SLC35F1: variants seen among roughly 807,000 people sequenced by gnomAD.
The protein encoded by SLC35F1 is solute carrier family 35 member F1.
In SLC35F1, 14 loss-of-function variants were observed where a neutral mutation model predicts 48.7. The ratio of observed to expected loss-of-function variants is 0.29; its 90% CI spans 0.19 to 0.45. SLC35F1 has a LOEUF of 0.45. SLC35F1 is among the 20% of genes least tolerant of loss of function. SLC35F1 has a pLI of 1.00. For synonymous variants in SLC35F1, 190 were observed against 202.2 expected (o/e 0.94, Z 0.51); for missense variants, 404 against 500.0 (o/e 0.81, Z 1.83).
intron 2 of SLC35F1, among the ~76,000 whole-genome samples, chr6:118,201,545 T>A (rs1774873977): frequency 6.6e-6 from 1 of 152,226 alleles, no homozygotes; most frequent in Admixed American, 6.5e-5. Flanking sequence ...GATGAATACA[T>A]GTTGAAAGAT....
chr6:118,081,909 C>A (rs1405244233), intron 1 of SLC35F1, among the ~76,000 whole-genome samples: 2 of 152,180 alleles, frequency 1.3e-5, no homozygotes, highest in Non-Finnish European at 2.9e-5. Flanking sequence ...GTTCTCACAC[C>A]TGAATGGTCA....
At chr6:117,911,833 A>G (rs2114793927) in intron 1 of SLC35F1, among the ~76,000 whole-genome samples, 1 of 152,302 alleles carries the variant, frequency 6.6e-6, no homozygotes, top group Non-Finnish European at 1.5e-5. Context: ...CAAGGGCAAC[A>G]GTTGATGACC....
Position 118,166,145 on chromosome 6 carries a change from A to T in SLC35F1, c.349+11525A>T, listed in dbSNP as rs78341916. Among the ~76,000 whole-genome samples the T allele has an allele frequency of 2.5e-3, 384 of 152,236 alleles. 1 individual carries two copies. Among genetic ancestry groups the T allele is most frequent in the African/African-American group, 8.6e-3 (358 of 41,548 alleles). On this transcript the variant is annotated intron_variant, in intron 2 of 7. Transcript: ENST00000360388. ...AAAATCAGGGTGGGGAGAGGAAAAA[A>T]ATTAAAAATAATGCAAGATTAAAAA...
rs1339739288 is a variant in SLC35F1 at position 117,999,147 on chromosome 6, A to C, written c.173+91248A>C. 4 of 1,593,142 alleles carry C rather than the reference A, an allele frequency of 2.5e-6. No homozygotes were observed. In the East Asian group the frequency reaches 8.9e-5, roughly 36 times the overall value. The stretch of plus-strand genomic sequence containing the variant: ...AACAAAAAGGGCCTAAAGAAGATGC[A>C]GGCCAACAATGCCAAGGCCATGAGT... On this transcript the variant is annotated intron_variant, in intron 1 of 7. Transcript: ENST00000360388.
intron 2 of SLC35F1, among the ~76,000 whole-genome samples, chr6:118,213,887 TG>T (rs1466671673): frequency 6.6e-6 from 1 of 152,204 alleles, no homozygotes; most frequent in Non-Finnish European, 1.5e-5. Context: ...GAAATAGTAC[TG>T]GATGTGAAGG....
At chr6:118,127,595 CT>C (rs1773646189) in intron 1 of SLC35F1, among the ~76,000 whole-genome samples, 2 of 152,030 alleles carry the variant, frequency 1.3e-5, no homozygotes, top group Admixed American at 6.6e-5. Flanking sequence ...GCTGGGAAAA[CT>C]GGCTAGCCAT....
At chr6:118,030,338 C>T (rs112127904) in intron 1 of SLC35F1, among the ~76,000 whole-genome samples, 2,207 of 152,254 alleles carry the variant, frequency 0.014, 62 homozygotes, top group African/African-American at 0.05. Context: ...TCGGTTTCTG[C>T]TTTTGTGTCT....
intron 2 of SLC35F1, among the ~76,000 whole-genome samples, chr6:118,189,517 A>G (rs940048376): frequency 3.9e-5 from 6 of 152,230 alleles, no homozygotes; most frequent in Admixed American, 6.5e-5. Flanking sequence ...TTAGATATTA[A>G]CGCCTTAGCA....
intron 1 of SLC35F1, among the ~76,000 whole-genome samples, chr6:118,096,913 T>C (rs541592869): frequency 1.3e-5 from 2 of 152,306 alleles, no homozygotes; most frequent in South Asian, 2.1e-4. Context: ...CCAAACAGAA[T>C]TGATCATGGA....
intron 2 of SLC35F1, among the ~76,000 whole-genome samples, chr6:118,218,681 C>A (rs894658633): frequency 6.6e-6 from 1 of 152,192 alleles, no homozygotes; most frequent in South Asian, 2.1e-4. Flanking sequence ...ACAAATGGGA[C>A]GTCATATTAA....
intron 1 of SLC35F1, among the ~76,000 whole-genome samples, chr6:117,920,931 A>AATATAAC (rs1288218411): frequency 1.3e-5 from 2 of 152,052 alleles, no homozygotes; most frequent in East Asian, 3.9e-4. Flanking sequence ...TAAATATTTA[A>AATATAAC]ATATAACATA....
chr6:118,180,477 C>T (rs757687337), intron 2 of SLC35F1, among the ~76,000 whole-genome samples: 11 of 151,084 alleles, frequency 7.3e-5, no homozygotes, highest in South Asian at 2.1e-4. Flanking sequence ...TTGTATGACA[C>T]GGGAGAAAGA....
rs372274334 is a variant in SLC35F1 at position 117,975,662 on chromosome 6, C to G, written c.173+67763C>G. Among the ~76,000 whole-genome samples, 8 of 152,124 alleles carry G rather than the reference C, an allele frequency of 5.3e-5. No individual in the cohort carries two copies. The East Asian group carries it at 7.7e-4, about 15-fold the overall frequency. ...TTTATTTATTTTTGTAGACGGGAAT[C>G]TACTAACCTATGTAAAAGGGAACTT... is the stretch of plus-strand genomic sequence containing the variant. On this transcript the variant is annotated intron_variant, in intron 1 of 7. Transcript: ENST00000360388.
chr6:118,146,177 C>G (rs1773970609), intron 1 of SLC35F1, among the ~76,000 whole-genome samples: 1 of 152,146 alleles, frequency 6.6e-6, no homozygotes, highest in African/African-American at 2.4e-5. Flanking sequence ...GGTCTTCAAT[C>G]TTGCCTCTTA....
intron 1 of SLC35F1, among the ~76,000 whole-genome samples, chr6:118,042,264 T>C (rs1562272378): frequency 6.6e-6 from 1 of 152,178 alleles, no homozygotes; most frequent in Non-Finnish European, 1.5e-5. Context: ...GTAAAGCCCA[T>C]TATTTGGTGA....
intron 2 of SLC35F1, among the ~76,000 whole-genome samples, chr6:118,215,646 T>G (rs867664234): frequency 1.4e-4 from 22 of 152,222 alleles, no homozygotes; most frequent in African/African-American, 5.3e-4. Flanking sequence ...ACCCAGTTTT[T>G]GTATGATGTA....
At chr6:118,293,299 G>T (rs1776146955) in intron 7 of SLC35F1, among the ~76,000 whole-genome samples, 1 of 152,158 alleles carries the variant, frequency 6.6e-6, no homozygotes, top group South Asian at 2.1e-4. Flanking sequence ...GTTGGTTCTG[G>T]AGGCTCTAGG....
chr6:118,121,037 A>C (rs1381333504), intron 1 of SLC35F1, among the ~76,000 whole-genome samples: 3 of 152,112 alleles, frequency 2.0e-5, no homozygotes, highest in Non-Finnish European at 2.9e-5. Flanking sequence ...TCTTTTTCAA[A>C]GAAGATAGGG....
chr6:118,133,989 A>G (rs539584398), intron 1 of SLC35F1, among the ~76,000 whole-genome samples: 12 of 152,304 alleles, frequency 7.9e-5, no homozygotes, highest in African/African-American at 2.9e-4. Flanking sequence ...GCTTTCTCAG[A>G]CCATCAGGAC....
Sources: allele counts gnomAD v4.1 joint callset (sites outside exome capture counted in the v4.1 genomes callset), GRCh38; gene constraint gnomAD v4.1.1; transcripts MANE v1.5; gene names NCBI Gene and HGNC (gene_info 2026-07-23, HGNC 2026-07-21).